Variants in CCNJL observed in about 807,000 individuals in gnomAD.
The protein encoded by CCNJL is cyclin-J-like protein.
Under a neutral mutation model 33.4 loss-of-function variants are expected in CCNJL, and 33 were observed. The ratio of observed to expected loss-of-function variants is 0.99; its 90% CI spans 0.75 to 1.32. The LOEUF (loss-of-function observed/expected upper bound fraction) is 1.32. CCNJL is among the 40% of genes most tolerant of loss of function. The pLI is 0.00. For synonymous variants in CCNJL, 227 were observed against 220.9 expected, an observed-to-expected ratio of 1.03 and a Z score of -0.24; for missense variants, 512 against 499.7, an observed-to-expected ratio of 1.02 and a Z score of -0.23.
At chr5:160,291,107 G>C (rs1762569863) in intron 2 of CCNJL, among the ~76,000 whole-genome samples, 2 of 151,360 alleles carry the variant, frequency 1.3e-5, no homozygotes, top group African/African-American at 4.9e-5. Flanking sequence ...AAGTAAGTGA[G>C]GGAGTTGGAT....
intron 2 of CCNJL, among the ~76,000 whole-genome samples, chr5:160,299,406 C>A (rs1189327007): frequency 1.3e-5 from 2 of 152,026 alleles, no homozygotes; most frequent in Non-Finnish European, 2.9e-5. Context: ...CCCACCTCGG[C>A]CTCCCAAAGT....
chr5:160,266,287 CA>C (rs1198560608), intron 3 of CCNJL, among the ~76,000 whole-genome samples: 2 of 152,264 alleles, frequency 1.3e-5, no homozygotes, highest in African/African-American at 4.8e-5. Context: ...GCCAGTGTCC[CA>C]GGGGTGGAAG....
At chr5:160,259,323 G>T in intron 4 of CCNJL, 146 bp downstream of exon 4, 1 of 663,394 alleles carries the variant, frequency 1.5e-6, no homozygotes, top group Non-Finnish European at 2.5e-6. Context: ...TTTGCTTACT[G>T]CCTGCAAAGT....
chr5:160,293,017 C>T (rs1020551138), intron 2 of CCNJL, among the ~76,000 whole-genome samples: 1 of 152,236 alleles, frequency 6.6e-6, no homozygotes, highest in Non-Finnish European at 1.5e-5. Flanking sequence ...AATGGTGAAT[C>T]TGAACCTGGG....
At chr5:160,256,388 G>T (rs1024421465) in intron 4 of CCNJL, among the ~76,000 whole-genome samples, 2 of 152,178 alleles carry the variant, frequency 1.3e-5, no homozygotes, top group Admixed American at 6.5e-5. Context: ...CTTATTAATT[G>T]TAACAATGCC....
chr5:160,296,019 G>A (rs969386455), intron 2 of CCNJL, among the ~76,000 whole-genome samples: 21 of 152,144 alleles, frequency 1.4e-4, no homozygotes, highest in African/African-American at 4.8e-4. Flanking sequence ...CACAATTTTT[G>A]TTCATCCCCA....
chr5:160,325,423 C>T (rs1027122582), intron 1 of CCNJL, among the ~76,000 whole-genome samples: 3 of 152,100 alleles, frequency 2.0e-5, no homozygotes, highest in Admixed American at 6.6e-5. Flanking sequence ...TCTGGTTCCT[C>T]AGATATTTTT....
chr5:160,291,145 T>C (rs1457091597), intron 2 of CCNJL, among the ~76,000 whole-genome samples: 6 of 151,894 alleles, frequency 4.0e-5, no homozygotes, highest in Admixed American at 3.9e-4. Context: ...GCTCTGTCCT[T>C]GCCCTGGGGT....
chr5:160,313,607 AAAAC>A (rs1210526795), upstream of CCNJL, among the ~76,000 whole-genome samples: 29 of 152,244 alleles, frequency 1.9e-4, no homozygotes, highest in Non-Finnish European at 3.8e-4. Context: ...GTTTTAATGT[AAAAC>A]AAACGAACCA....
At chr5:160,312,782 C>G (rs1051220209), upstream of CCNJL, 1 of 152,182 alleles carries the variant, frequency 6.6e-6, no homozygotes, top group African/African-American at 2.4e-5. Context: ...GGGCACCCCT[C>G]CGGCTTGCGC....
At position 160,254,681 on chromosome 5, in the gene CCNJL, GA is replaced by G. The variant is rs1415348702; in HGVS notation, c.743+867del. 1.3e-5 allele frequency: 3 copies of G among 229,816 alleles called. No homozygotes were observed. The Admixed American group carries it at 1.7e-4, about 13-fold the overall frequency. 14.2% of individuals were successfully genotyped at this position (229,816 alleles called of 1,614,324 possible). ...GAACTGGACAGTGTGTGCCTACTGGGAATGGCTCTGTCCTGTTTGCCTTGCT... is the reference window on the plus strand; with the variant it reads ...GAACTGGACAGTGTGTGCCTACTGGGATGGCTCTGTCCTGTTTGCCTTGCT... On this transcript the variant is annotated intron_variant, in intron 5 of 5. Transcript: ENST00000257536.
At chr5:160,302,156 A>T (rs1762945202) in intron 2 of CCNJL, among the ~76,000 whole-genome samples, 1 of 152,244 alleles carries the variant, frequency 6.6e-6, no homozygotes, top group Non-Finnish European at 1.5e-5. Flanking sequence ...TTCAATTTTT[A>T]AAAAATGAAT....
At chr5:160,270,772 T>A (rs951601715) in intron 3 of CCNJL, among the ~76,000 whole-genome samples, 2 of 152,216 alleles carry the variant, frequency 1.3e-5, no homozygotes, top group African/African-American at 4.8e-5. Flanking sequence ...ATTACTCTCC[T>A]GCTGATAAAA....
chr5:160,250,126 A>G lies in CCNJL; in HGVS notation c.*3252T>C, dbSNP rs2113172690. On this transcript the variant is annotated 3_prime_UTR_variant, in exon 6 of 6. Transcript: ENST00000257536. ...GAGTGCCCAAGGGTGGAAGAAATACAAGTGGATCCCTCTGGCTGAAGGCCA... is the reference window on the plus strand; with the variant it reads ...GAGTGCCCAAGGGTGGAAGAAATACGAGTGGATCCCTCTGGCTGAAGGCCA... 1 of 152,252 alleles carries G rather than the reference A, an allele frequency of 6.6e-6. No individual in the cohort carries two copies. Among genetic ancestry groups the G allele is most frequent in the South Asian group, 2.1e-4 (1 of 4,822 alleles). The allele number at this position is 152,252 out of a possible 1,614,324, so 9.4% of individuals were successfully genotyped here.
At chr5:160,330,196 ATCT>A (rs1763588245) in intron 1 of CCNJL, among the ~76,000 whole-genome samples, 1 of 152,054 alleles carries the variant, frequency 6.6e-6, no homozygotes, top group African/African-American at 2.4e-5. Flanking sequence ...GGTCCCCTTG[ATCT>A]TCTTACTCTC....
intron 2 of CCNJL, among the ~76,000 whole-genome samples, chr5:160,303,700 C>CCG (rs1554123409): frequency 9.6e-5 from 10 of 104,232 alleles, no homozygotes; most frequent in African/African-American, 3.9e-4. Flanking sequence ...CTCTGTGTGT[C>CCG]TGTGTGTGTG....
chr5:160,278,275 T>C (rs376831561), intron 3 of CCNJL, among the ~76,000 whole-genome samples: 5 of 152,132 alleles, frequency 3.3e-5, no homozygotes, highest in Non-Finnish European at 5.9e-5. Flanking sequence ...GTTGGGATTA[T>C]AGGTGTGAGC....
intron 3 of CCNJL, among the ~76,000 whole-genome samples, chr5:160,261,716 C>T (rs953151630): frequency 6.6e-6 from 1 of 152,148 alleles, no homozygotes; most frequent in Non-Finnish European, 1.5e-5. Flanking sequence ...CCCTCACCCC[C>T]CTTATCGGTG....
Position 160,250,402 on chromosome 5 carries a change from T to C in CCNJL, c.*2976A>G, listed in dbSNP as rs983128376. ...GTGAGCACTGCCCTCAGCCCCGCCC[T>C]TGGCGGTGTCAAACACACTCCTGGG... On this transcript the variant is annotated 3_prime_UTR_variant, in exon 6 of 6. Coordinates refer to ENST00000257536, the MANE Select transcript of CCNJL (RefSeq NM_001308173.3). The C allele has an allele frequency of 2.6e-5, 4 of 152,234 alleles. No homozygotes were observed. Among genetic ancestry groups the C allele is most frequent in the Non-Finnish European group, 4.4e-5 (3 of 68,048 alleles). The allele number at this position is 152,234 out of a possible 1,614,324, so 9.4% of individuals were successfully genotyped here. A position where few individuals can be genotyped will look rare whatever the true frequency, so the allele number is the denominator to read the frequency against.
Sources: gnomAD v4.1 joint callset for allele counts (sites outside exome capture counted in the v4.1 genomes callset) on GRCh38, gnomAD v4.1.1 for gene constraint, MANE v1.5 for transcripts, NCBI Gene and HGNC (gene_info 2026-07-23, HGNC 2026-07-21) for gene names.